Variants in DNM2 observed in about 807,000 individuals in gnomAD.
DNM2 encodes the protein dynamin 2.
A neutral mutation model predicts 99.0 loss-of-function variants in DNM2; 15 were observed. The observed-to-expected ratio is 0.15, with a 90% CI of 0.10 to 0.23. The LOEUF (loss-of-function observed/expected upper bound fraction) is 0.23. DNM2 is among the 10% of genes least tolerant of loss of function. The pLI, the probability that DNM2 is intolerant of heterozygous loss-of-function variation, is 1.00. For synonymous variants in DNM2, 525 were observed against 481.2 expected (o/e 1.09, Z -1.19); for missense variants, 742 against 1,189.4 (o/e 0.62, Z 5.53).
chr19:10,798,258 G>A, intron 10 of DNM2: 1 of 576,130 alleles, frequency 1.7e-6, no homozygotes, highest in Non-Finnish European at 3.1e-6. Flanking sequence ...CCGGTCACTG[G>A]CTGGAAAAGC....
At chr19:10,778,118 T>A (rs1429415524) in intron 5 of DNM2, among the ~76,000 whole-genome samples, 2 of 151,238 alleles carry the variant, frequency 1.3e-5, no homozygotes. Flanking sequence ...CACTGCAACC[T>A]CCACCTCCCA....
chr19:10,786,772 C>A, intron 7 of DNM2, 66 bp downstream of exon 7: 6 of 1,606,584 alleles, frequency 3.7e-6, no homozygotes, highest in Non-Finnish European at 5.1e-6. Context: ...CACAGGGCCC[C>A]CTAGGCTGGG....
At chr19:10,730,706 G>A (rs77660255) in intron 1 of DNM2, among the ~76,000 whole-genome samples, 5,743 of 152,270 alleles carry the variant, frequency 0.038, 123 homozygotes, top group South Asian at 0.098. Flanking sequence ...GCTGGGCAGC[G>A]TGGGTGTCTA....
intron 1 of DNM2, among the ~76,000 whole-genome samples, chr19:10,728,736 C>G (rs2069192227): frequency 6.6e-6 from 1 of 152,220 alleles, no homozygotes; most frequent in Non-Finnish European, 1.5e-5. Flanking sequence ...TCACTTGAAG[C>G]CAGGTGTTCG....
intron 17 of DNM2, 21 bp from the exon 18 acceptor site, chr19:10,825,036 C>T (rs1461700912): frequency 1.9e-6 from 3 of 1,613,716 alleles, no homozygotes; most frequent in Non-Finnish European, 8.5e-7. Flanking sequence ...CACCCCTCAG[C>T]ACCTCCCCTC....
chr19:10,808,666 C>A, intron 14 of DNM2, 86 bp downstream of exon 14: 1 of 1,475,016 alleles, frequency 6.8e-7, no homozygotes, highest in South Asian at 1.2e-5. Context: ...CCCTGTTCCC[C>A]ATCCCCTCCA....
chr19:10,761,768 C>G (rs1464393476), intron 2 of DNM2, among the ~76,000 whole-genome samples: 1 of 152,170 alleles, frequency 6.6e-6, no homozygotes, highest in Non-Finnish European at 1.5e-5. Context: ...TCCCAAGACT[C>G]CTCACTTTCG....
intron 1 of DNM2, among the ~76,000 whole-genome samples, chr19:10,719,485 C>T (rs945302286): frequency 6.6e-6 from 1 of 152,066 alleles, no homozygotes; most frequent in African/African-American, 2.4e-5. Flanking sequence ...CTTGAGAAGC[C>T]GCGGTGTGCC....
chr19:10,824,948 G>T lies in DNM2; in HGVS notation c.1894-109G>T, dbSNP rs2073094008. Reference sequence around the variant, plus strand: ...TCTGGTGCCAGTGGGGCTGTCAGGGGCCAGCCTGAGGTCAGTTATTGGTGG... The same window carrying T: ...TCTGGTGCCAGTGGGGCTGTCAGGGTCCAGCCTGAGGTCAGTTATTGGTGG... On this transcript the variant is annotated intron_variant, in intron 17 of 20. Transcript: ENST00000389253. 5 of 1,573,226 alleles carry T rather than the reference G, an allele frequency of 3.2e-6. No homozygotes were observed. In the South Asian group the frequency reaches 4.5e-5, roughly 14 times the overall value.
At chr19:10,788,023 G>A (rs907872233) in intron 7 of DNM2, among the ~76,000 whole-genome samples, 1 of 151,882 alleles carries the variant, frequency 6.6e-6, no homozygotes, top group East Asian at 1.9e-4. Context: ...CTTGAGGTCC[G>A]GAGTTCAAGA....
At position 10,831,380 on chromosome 19, in the gene DNM2, G is replaced by A; in HGVS notation, c.*333G>A. On this transcript the variant is annotated 3_prime_UTR_variant, in exon 21 of 21. Transcript: ENST00000389253. The surrounding 1 kb of genome is among the most constrained non-coding windows in gnomAD (Gnocchi z 4.3). The stretch of plus-strand genomic sequence containing the variant: ...GGGGGACTCTACCAAGGTCTTCTTG[G>A]GCTGGGAAAGCCCATGTAGGGCAGG... 1 of 1,093,688 alleles carries A rather than the reference G, an allele frequency of 9.1e-7. No homozygotes were observed. Among genetic ancestry groups the A allele is most frequent in the African/African-American group, 1.6e-5 (1 of 60,716 alleles). 67.7% of individuals were successfully genotyped at this position (1,093,688 alleles called of 1,614,324 possible). A position where few individuals can be genotyped will look rare whatever the true frequency, so the allele number is the denominator to read the frequency against.
At chr19:10,791,269 T>C (rs1763632094) in intron 7 of DNM2, among the ~76,000 whole-genome samples, 1 of 151,886 alleles carries the variant, frequency 6.6e-6, no homozygotes, top group Non-Finnish European at 1.5e-5. Flanking sequence ...TTAAAGTATT[T>C]CTAGAGACTG....
At chr19:10,788,559 G>A (rs1256308200) in intron 7 of DNM2, among the ~76,000 whole-genome samples, 1 of 152,210 alleles carries the variant, frequency 6.6e-6, no homozygotes, top group African/African-American at 2.4e-5. Flanking sequence ...CGTGGTGGGA[G>A]AAGAGACATG....
At chr19:10,754,503 A>G (rs564266070) in intron 1 of DNM2, among the ~76,000 whole-genome samples, 72 of 152,220 alleles carry the variant, frequency 4.7e-4, no homozygotes, top group South Asian at 2.7e-3. Flanking sequence ...TGCCCGCCTC[A>G]GCCTCCCAAA....
Position 10,796,154 on chromosome 19 carries a change from G to A in DNM2, c.1196+715G>A, listed in dbSNP as rs1338938129. 1 of 1,614,162 alleles carries A rather than the reference G, an allele frequency of 6.2e-7. No individual in the cohort carries two copies. Among genetic ancestry groups the A allele is most frequent in the Non-Finnish European group, 8.5e-7 (1 of 1,180,036 alleles). Reference sequence around the variant, plus strand: ...AGCCCTGTCTGAAATGTGTCGACCTGGTTATCCAGGAGCTAATCAATACAG... The same window carrying A: ...AGCCCTGTCTGAAATGTGTCGACCTAGTTATCCAGGAGCTAATCAATACAG... On this transcript the variant is annotated intron_variant, in intron 9 of 20. Coordinates refer to ENST00000389253, the MANE Select transcript of DNM2 (RefSeq NM_001005361.3). The surrounding 1 kb of genome is among the most constrained non-coding windows in gnomAD (Gnocchi z 5.6).
chr19:10,828,438 T>G (rs2073222112), intron 18 of DNM2, among the ~76,000 whole-genome samples: 1 of 151,414 alleles, frequency 6.6e-6, no homozygotes, highest in Non-Finnish European at 1.5e-5. Context: ...ATACAAAAAA[T>G]AAGCTGGGCG....
At chr19:10,782,847 G>A in intron 5 of DNM2, 113 bp from the exon 6 acceptor site, 1 of 1,439,700 alleles carries the variant, frequency 6.9e-7, no homozygotes, top group Non-Finnish European at 9.7e-7. Flanking sequence ...TATGACAGCT[G>A]TGAGTGCCTC....
At chr19:10,770,519 C>A (rs1842030519) in intron 2 of DNM2, among the ~76,000 whole-genome samples, 2 of 152,128 alleles carry the variant, frequency 1.3e-5, no homozygotes, top group Admixed American at 1.3e-4. Context: ...CTCAAATGAT[C>A]CTCCCACTTC....
chr19:10,732,376 G>T (rs955548055), intron 1 of DNM2, among the ~76,000 whole-genome samples: 1 of 149,454 alleles, frequency 6.7e-6, no homozygotes, highest in African/African-American at 2.4e-5. Context: ...CGAGGCGGGC[G>T]GATCACGAGG....
Sources: allele counts gnomAD v4.1 joint callset (sites outside exome capture counted in the v4.1 genomes callset), GRCh38; gene constraint gnomAD v4.1.1; non-coding constraint Gnocchi (gnomAD v3.1); transcripts MANE v1.5; gene names NCBI Gene and HGNC (gene_info 2026-07-23, HGNC 2026-07-21).